TMEM117: variants seen among roughly 807,000 people sequenced by gnomAD.
The protein encoded by TMEM117 is transmembrane protein 117.
In TMEM117, 27 loss-of-function variants were observed where a neutral mutation model predicts 52.4. That is an observed-to-expected ratio of 0.51 (90% CI 0.38 to 0.71). The LOEUF (loss-of-function observed/expected upper bound fraction) is 0.71, where lower values mean the gene tolerates loss of function less well. TMEM117 is among the 30% of genes least tolerant of loss of function. TMEM117 has a pLI of 0.00. For synonymous variants in TMEM117, 215 were observed against 206.3 expected (o/e 1.04, Z -0.36); for missense variants, 556 against 630.5 (o/e 0.88, Z 1.26).
rs1224821744 is a variant in TMEM117 at position 44,115,535 on chromosome 12, A to G, written c.411-27990A>G. Among the ~76,000 whole-genome samples the G allele has an allele frequency of 4.0e-5, 6 of 149,052 alleles. No individual in the cohort carries two copies. In the South Asian group the frequency reaches 8.4e-4, roughly 21 times the overall value. On this transcript the variant is annotated intron_variant, in intron 3 of 7. Transcript: ENST00000266534. ...ATAAAGAATCTAAGACTCAAATAGT[A>G]TGGGATTTTTTTTTTTTACTGAAGT...
At chr12:43,944,377 G>T (rs1309524525) in intron 3 of TMEM117, 35 bp downstream of exon 3, 2 of 1,553,648 alleles carry the variant, frequency 1.3e-6, no homozygotes, top group Non-Finnish European at 1.7e-6. Flanking sequence ...TGTGGTGAGT[G>T]TTATGTTTGA....
intron 3 of TMEM117, among the ~76,000 whole-genome samples, chr12:43,948,163 A>G (rs1029111834): frequency 6.6e-6 from 1 of 151,966 alleles, no homozygotes; most frequent in Non-Finnish European, 1.5e-5. Flanking sequence ...GGAAAGAGGT[A>G]AGTTAGTTGG....
At chr12:44,369,798 C>A (rs1565765539) in intron 6 of TMEM117, among the ~76,000 whole-genome samples, 1 of 152,116 alleles carries the variant, frequency 6.6e-6, no homozygotes, top group Non-Finnish European at 1.5e-5. Context: ...TTTTTCTCCA[C>A]AGATTTTAAA....
intron 3 of TMEM117, among the ~76,000 whole-genome samples, chr12:44,016,037 C>T (rs1330720539): frequency 1.3e-5 from 2 of 152,280 alleles, no homozygotes; most frequent in Middle Eastern, 3.4e-3. Flanking sequence ...CAGGAATAAA[C>T]TGTTAATCTG....
At chr12:43,992,294 A>T (rs1486139665) in intron 3 of TMEM117, among the ~76,000 whole-genome samples, 2 of 151,870 alleles carry the variant, frequency 1.3e-5, no homozygotes, top group African/African-American at 2.4e-5. Flanking sequence ...TAATTTAGAG[A>T]TGAGGTCTCA....
At chr12:44,130,737 A>G (rs963041806) in intron 3 of TMEM117, among the ~76,000 whole-genome samples, 1 of 151,888 alleles carries the variant, frequency 6.6e-6, no homozygotes, top group African/African-American at 2.4e-5. Flanking sequence ...TCCTATGTAC[A>G]TTTTGGTAAT....
At chr12:43,865,211 CAG>C (rs1943568894) in intron 2 of TMEM117, among the ~76,000 whole-genome samples, 1 of 152,128 alleles carries the variant, frequency 6.6e-6, no homozygotes, top group South Asian at 2.1e-4. Context: ...AAGGGTTGAA[CAG>C]AGATTTTAGT....
At chr12:44,342,505 T>C (rs1039680988) in intron 6 of TMEM117, among the ~76,000 whole-genome samples, 1 of 152,116 alleles carries the variant, frequency 6.6e-6, no homozygotes, top group Admixed American at 6.6e-5. Context: ...AAACAATTAC[T>C]GAACTAATCT....
intron 4 of TMEM117, among the ~76,000 whole-genome samples, chr12:44,177,380 G>T (rs1299648369): frequency 6.6e-6 from 1 of 152,104 alleles, no homozygotes; most frequent in African/African-American, 2.4e-5. Context: ...TTGCAATCCT[G>T]TCACCCAAGT....
chr12:44,288,297 T>A (rs1844149808), intron 5 of TMEM117, among the ~76,000 whole-genome samples: 1 of 152,220 alleles, frequency 6.6e-6, no homozygotes, highest in South Asian at 2.1e-4. Flanking sequence ...GGTCTTTTTC[T>A]CTGAGCTGTA....
chr12:44,167,018 A>G (rs1159245726), intron 4 of TMEM117, among the ~76,000 whole-genome samples: 1 of 152,200 alleles, frequency 6.6e-6, no homozygotes, highest in East Asian at 1.9e-4. Context: ...TTCTTAAAGG[A>G]TTTCCAGTCT....
At position 44,045,668 on chromosome 12, in the gene TMEM117, C is replaced by A. The variant is rs571233207; in HGVS notation, c.411-97857C>A. On this transcript the variant is annotated intron_variant, in intron 3 of 7. Transcript: ENST00000266534. ...GACCAGCCTGGCCAACATGGTGAAA[C>A]CCTGTCTCTACTAAAAATAGAAAAA... 5.9e-5 allele frequency among the ~76,000 whole-genome samples: 9 copies of A among 152,130 alleles called. No homozygotes were observed. In the East Asian group the frequency reaches 1.7e-3, roughly 30 times the overall value.
At chr12:44,136,906 A>G (rs1315318883) in intron 3 of TMEM117, among the ~76,000 whole-genome samples, 1 of 152,232 alleles carries the variant, frequency 6.6e-6, no homozygotes, top group Admixed American at 6.5e-5. Context: ...TACATGGCAC[A>G]CAATTTGTCT....
chr12:44,182,951 T>C (rs2138319412), intron 4 of TMEM117, among the ~76,000 whole-genome samples: 1 of 152,342 alleles, frequency 6.6e-6, no homozygotes, highest in African/African-American at 2.4e-5. Flanking sequence ...TACATACCTT[T>C]ACTTGATTTT....
intron 6 of TMEM117, among the ~76,000 whole-genome samples, chr12:44,309,064 A>G (rs905665042): frequency 6.6e-6 from 1 of 152,212 alleles, no homozygotes; most frequent in Non-Finnish European, 1.5e-5. Flanking sequence ...CAGTATAACA[A>G]TCCTCTATAA....
chr12:44,360,428 A>G (rs1207566354), intron 6 of TMEM117, among the ~76,000 whole-genome samples: 1 of 151,928 alleles, frequency 6.6e-6, no homozygotes, highest in Non-Finnish European at 1.5e-5. Flanking sequence ...TACAAAAATT[A>G]GCCGGGTGTG....
At chr12:44,056,770 C>T (rs1007437724) in intron 3 of TMEM117, among the ~76,000 whole-genome samples, 1 of 152,148 alleles carries the variant, frequency 6.6e-6, no homozygotes, top group Non-Finnish European at 1.5e-5. Flanking sequence ...CTCTGTCTCT[C>T]TGTCTTTCTC....
In TMEM117 at chr12:44,202,992, G is replaced by A. The variant is rs532915121; in HGVS notation, c.511-8298G>A. Among the ~76,000 whole-genome samples, 14 of 151,854 alleles carry A rather than the reference G, an allele frequency of 9.2e-5. No individual in the cohort carries two copies. The East Asian group carries it at 2.5e-3, about 27-fold the overall frequency. On this transcript the variant is annotated intron_variant, in intron 4 of 7. Transcript: ENST00000266534. ...ATATTTTTAGTAGAGACAGGGTTTT[G>A]GTATGTTGGCTACGCTTGTCTCAAA...
the TMEM117 span, among the ~76,000 whole-genome samples, chr12:43,803,103 A>G: frequency 1.3e-5 from 2 of 152,216 alleles, no homozygotes; most frequent in South Asian, 2.1e-4. Context: ...ATGTTCATCA[A>G]TAAGACAATG....
Sources: allele counts gnomAD v4.1 joint callset (sites outside exome capture counted in the v4.1 genomes callset), GRCh38; gene constraint gnomAD v4.1.1; transcripts MANE v1.5; gene names NCBI Gene and HGNC (gene_info 2026-07-23, HGNC 2026-07-21).